The following THOC2 variants were observed in gnomAD, a reference collection of about 807,000 sequenced individuals.
THOC2 encodes THO complex 2.
In THOC2, 10 loss-of-function variants were observed where a neutral mutation model predicts 128.4. The ratio of observed to expected loss-of-function variants is 0.08; its 90% CI spans 0.05 to 0.13. THOC2 has a LOEUF of 0.13. THOC2 is among the 10% of genes least tolerant of loss of function. The pLI, the probability that THOC2 is intolerant of heterozygous loss-of-function variation, is 1.00. For synonymous variants in THOC2, 393 were observed against 396.9 expected (o/e 0.99, Z 0.12); for missense variants, 535 against 1,155.7 (o/e 0.46, Z 7.79).
At chrX:123,657,960 C>CGT (rs60969537) in intron 12 of THOC2, among the ~76,000 whole-genome samples, 982 of 94,794 alleles carry the variant, frequency 0.01, 2 homozygotes, top group Non-Finnish European at 0.012. Context: ...TACGCATATG[C>CGT]GTGTGTGTGT....
At chrX:123,701,692 CAAA>C (rs397972574) in intron 4 of THOC2, among the ~76,000 whole-genome samples, 1 of 81,241 alleles carries the variant, frequency 1.2e-5, no homozygotes, top group Non-Finnish European at 2.5e-5. Flanking sequence ...TATTTATTTG[CAAA>C]AAAAAAAAAA....
At chrX:123,691,231 TAAC>T (rs2050211164) in intron 7 of THOC2, among the ~76,000 whole-genome samples, 1 of 111,121 alleles carries the variant, frequency 9.0e-6, no homozygotes, top group South Asian at 3.8e-4. Flanking sequence ...ATAAAATAAA[TAAC>T]AACAACAAAA....
chrX:123,718,027 C>A (rs1239110915), intron 1 of THOC2, among the ~76,000 whole-genome samples: 1 of 112,449 alleles, frequency 8.9e-6, no homozygotes, highest in Non-Finnish European at 1.9e-5. Flanking sequence ...AAATATAAGG[C>A]CAGCCAACTG....
intron 8 of THOC2, among the ~76,000 whole-genome samples, chrX:123,682,356 T>C (rs776277252): frequency 1.8e-5 from 2 of 111,700 alleles, no homozygotes; most frequent in South Asian, 7.5e-4. Flanking sequence ...TCAAAAACCT[T>C]GCACTGGCTC....
intron 33 of THOC2, among the ~76,000 whole-genome samples, chrX:123,618,684 CA>C (rs2046979680): frequency 9.0e-6 from 1 of 111,596 alleles, no homozygotes; most frequent in Admixed American, 9.5e-5. Context: ...ATAACAAAGA[CA>C]AAACAACATG....
chrX:123,709,150 C>G (rs2051070008), intron 2 of THOC2, among the ~76,000 whole-genome samples: 1 of 112,385 alleles, frequency 8.9e-6, no homozygotes, highest in Admixed American at 9.4e-5. Flanking sequence ...CAGGCTAGTT[C>G]CACAGAAACC....
Position 123,636,066 on chromosome X carries a change from T to C in THOC2, c.2018+13A>G, listed in dbSNP as rs778534558. 2.6e-6 allele frequency: 3 copies of C among 1,175,427 alleles called. No homozygotes were observed. Among genetic ancestry groups the C allele is most frequent in the Non-Finnish European group, 2.3e-6 (2 of 865,968 alleles). ...TCTATTGAATTTCATTATGTATAATTTGCTATGAATACCTTTTGCCCGCCT... is the reference window on the plus strand; with the variant it reads ...TCTATTGAATTTCATTATGTATAATCTGCTATGAATACCTTTTGCCCGCCT... On this transcript the variant is annotated intron_variant, in intron 19 of 38. Transcript: ENST00000245838.
At chrX:123,711,020 C>A (rs1169262052) in intron 2 of THOC2, among the ~76,000 whole-genome samples, 4 of 100,838 alleles carry the variant, frequency 4.0e-5, no homozygotes, top group Non-Finnish European at 8.0e-5. Flanking sequence ...CACTCACACA[C>A]CCAAATGTTC....
At position 123,631,811 on chromosome X, in the gene THOC2, A is replaced by G; in HGVS notation, c.2358T>C (p.Ser786=). The G allele has an allele frequency of 8.3e-7, 1 of 1,206,873 alleles. No individual in the cohort carries two copies. The highest frequency in any genetic ancestry group is 1.1e-6 in the Non-Finnish European group (1 of 893,209). The stretch of plus-strand genomic sequence containing the variant: ...TTATATAATCTTCTGTGCTCAGATT[A>G]GATGCTAAAAACCCACCAAACTGCA... ...TLVQFGGFLA[S]NLSTEDYIKR... is the part of the protein sequence containing the mutation. Residue 786 remains serine, a synonymous_variant, in exon 22 of 39, where the codon TCT becomes TCC. Transcript: ENST00000245838.
At chrX:123,633,403 A>C (rs959467178) in intron 20 of THOC2, among the ~76,000 whole-genome samples, 1 of 111,064 alleles carries the variant, frequency 9.0e-6, no homozygotes, top group Non-Finnish European at 1.9e-5. Context: ...TTATTTATTT[A>C]TTTATTATTT....
chrX:123,707,156 A>G (rs954654460), intron 2 of THOC2, among the ~76,000 whole-genome samples: 1 of 112,053 alleles, frequency 8.9e-6, no homozygotes, highest in Non-Finnish European at 1.9e-5. Context: ...CTCCACTACT[A>G]TAACTACAGC....
At chrX:123,673,271 G>A (rs1231770734) in intron 8 of THOC2, among the ~76,000 whole-genome samples, 2 of 111,907 alleles carry the variant, frequency 1.8e-5, no homozygotes, top group East Asian at 2.8e-4. Flanking sequence ...CCCGGGAGGC[G>A]GAGGTTGCAG....
chrX:123,677,186 C>T lies in THOC2; in HGVS notation c.769-5425G>A, dbSNP rs190655381. On this transcript the variant is annotated intron_variant, in intron 8 of 38. Coordinates refer to ENST00000245838, the MANE Select transcript of THOC2 (RefSeq NM_001081550.2). The stretch of plus-strand genomic sequence containing the variant: ...GTTTGTGTATCTAAACCTATCTAAA[C>T]ACAGAAAAGGAACAAAAAAATTACG... Among the ~76,000 whole-genome samples, 11 of 111,065 alleles carry T rather than the reference C, an allele frequency of 9.9e-5. No individual in the cohort carries two copies. In the East Asian group the frequency reaches 2.8e-3, roughly 29 times the overall value.
At chrX:123,706,989 T>C in intron 2 of THOC2, 40 bp from the exon 3 acceptor site, 1 of 686,336 alleles carries the variant, frequency 1.5e-6, no homozygotes, top group Non-Finnish European at 2.1e-6. Flanking sequence ...ATACAGTCTC[T>C]TGAACATGAA....
At chrX:123,724,982 G>T (rs899802956) in intron 1 of THOC2, among the ~76,000 whole-genome samples, 3 of 111,379 alleles carry the variant, frequency 2.7e-5, no homozygotes, top group African/African-American at 9.8e-5. Context: ...GGAGGCTGAG[G>T]TGGGAGGATC....
chrX:123,640,723 C>A, intron 15 of THOC2, 101 bp from the exon 16 acceptor site: 1 of 422,820 alleles, frequency 2.4e-6, no homozygotes. Flanking sequence ...CAATTATTCC[C>A]CAAATATCCA....
At chrX:123,718,308 C>T (rs1472594494) in intron 1 of THOC2, among the ~76,000 whole-genome samples, 1 of 111,980 alleles carries the variant, frequency 8.9e-6, no homozygotes, top group Non-Finnish European at 1.9e-5. Flanking sequence ...GAATTAAAGA[C>T]TTAAATGTAA....
chrX:123,618,317 T>C (rs2046968295), intron 33 of THOC2, among the ~76,000 whole-genome samples: 2 of 111,890 alleles, frequency 1.8e-5, no homozygotes, highest in Admixed American at 1.9e-4. Context: ...ATGGAACTTC[T>C]CCCAGCATAG....
intron 8 of THOC2, among the ~76,000 whole-genome samples, chrX:123,672,000 A>G (rs1429591039): frequency 8.9e-6 from 1 of 112,600 alleles, no homozygotes; most frequent in Non-Finnish European, 1.9e-5. Flanking sequence ...AAAAACGGAC[A>G]CAATTTACAA....
Sources: allele counts gnomAD v4.1 joint callset (sites outside exome capture counted in the v4.1 genomes callset), GRCh38; gene constraint gnomAD v4.1.1; transcripts MANE v1.5; gene names NCBI Gene and HGNC (gene_info 2026-07-23, HGNC 2026-07-21).